Variants in CADPS observed in about 807,000 individuals in gnomAD.
CADPS encodes the protein calcium-dependent secretion activator 1.
Under a neutral mutation model 167.3 loss-of-function variants are expected in CADPS, and 57 were observed. That is an observed-to-expected ratio of 0.34 (90% CI 0.28 to 0.42). CADPS has a LOEUF of 0.42. Ranked by LOEUF, CADPS falls within the 20% of genes least tolerant of loss-of-function variation. The pLI is 1.00. For synonymous variants in CADPS, 676 were observed against 635.3 expected (o/e 1.06, Z -0.96); for missense variants, 1,414 against 1,738.1 (o/e 0.81, Z 3.32).
At chr3:62,594,816 G>A (rs2058693937) in intron 6 of CADPS, among the ~76,000 whole-genome samples, 1 of 152,200 alleles carries the variant, frequency 6.6e-6, no homozygotes, top group African/African-American at 2.4e-5. Context: ...CAAGGCTTGA[G>A]ATGCCTATTC....
chr3:62,421,354 G>A lies in CADPS; in HGVS notation c.3777+16750C>T, dbSNP rs1226761172. ...TCAGTACTTGAGGCGCACAGCGAGC[G>A]CCTGAATGGGGCAAACCTCCTAAGT... On this transcript the variant is annotated intron_variant, in intron 28 of 29. Transcript: ENST00000383710. This position sits in a 1 kb window ranked among gnomAD's most constrained non-coding sequence, Gnocchi z 4.7. Among the ~76,000 whole-genome samples the A allele has an allele frequency of 6.6e-6, 1 of 152,064 alleles. No individual in the cohort carries two copies. The highest frequency in any genetic ancestry group is 2.4e-5 in the African/African-American group (1 of 41,402).
At chr3:62,807,732 G>T (rs1288028244) in intron 1 of CADPS, among the ~76,000 whole-genome samples, 2 of 151,664 alleles carry the variant, frequency 1.3e-5, no homozygotes, top group Non-Finnish European at 2.9e-5. Context: ...AATATATATT[G>T]CCACAGTGAT....
chr3:62,769,566 C>G (rs1449386041), intron 1 of CADPS, among the ~76,000 whole-genome samples: 1 of 152,116 alleles, frequency 6.6e-6, no homozygotes, highest in South Asian at 2.1e-4. Flanking sequence ...ACATACTATT[C>G]CCTTGAGAAT....
chr3:62,711,204 C>A (rs564219821), intron 3 of CADPS, among the ~76,000 whole-genome samples: 4 of 152,144 alleles, frequency 2.6e-5, no homozygotes, highest in African/African-American at 7.2e-5. Context: ...TTTTAAACAT[C>A]ATTTTTAATA....
At chr3:62,864,911 G>A (rs2081409960) in intron 1 of CADPS, among the ~76,000 whole-genome samples, 1 of 152,062 alleles carries the variant, frequency 6.6e-6, no homozygotes, top group African/African-American at 2.4e-5. Flanking sequence ...TAGAGATCAG[G>A]AAGGCCATCT....
intron 3 of CADPS, among the ~76,000 whole-genome samples, chr3:62,684,722 A>T (rs1174240707): frequency 6.6e-6 from 1 of 151,930 alleles, no homozygotes; most frequent in Non-Finnish European, 1.5e-5. Flanking sequence ...ACCCATCCTC[A>T]GTTCTAGGTG....
At chr3:62,742,066 C>T (rs891150896) in intron 3 of CADPS, among the ~76,000 whole-genome samples, 1 of 152,210 alleles carries the variant, frequency 6.6e-6, no homozygotes, top group Middle Eastern at 3.4e-3. Flanking sequence ...ATATAGCTAA[C>T]TAGGGGGTGA....
At chr3:62,493,858 T>C (rs183188468) in intron 18 of CADPS, among the ~76,000 whole-genome samples, 193 bp from the exon 19 acceptor site, 70 of 152,320 alleles carry the variant, frequency 4.6e-4, no homozygotes, top group African/African-American at 1.6e-3. Flanking sequence ...AAAAGAGGTA[T>C]CCTTTTACTG....
intron 13 of CADPS, among the ~76,000 whole-genome samples, chr3:62,521,818 G>A (rs184327538): frequency 1.6e-4 from 25 of 152,240 alleles, no homozygotes. Flanking sequence ...AGGGTAAATC[G>A]AGGTGCCTAT....
At chr3:62,613,387 T>A (rs903555329) in intron 6 of CADPS, among the ~76,000 whole-genome samples, 6 of 152,298 alleles carry the variant, frequency 3.9e-5, no homozygotes, top group African/African-American at 9.6e-5. Flanking sequence ...GCAATACAGG[T>A]GTTTATGAGG....
intron 3 of CADPS, among the ~76,000 whole-genome samples, chr3:62,731,835 A>AAAAAAAAAAAAAAAAAAAGAAG (rs568495417): frequency 1.8e-5 from 2 of 110,274 alleles, no homozygotes; most frequent in Admixed American, 1.0e-4. Context: ...AAAAAAGTAA[A>AAAAAAAAAAAAAAAAAAAGAAG]GAAGGAAGAA....
At chr3:62,560,219 G>A (rs1353304228) in intron 9 of CADPS, among the ~76,000 whole-genome samples, 3 of 152,126 alleles carry the variant, frequency 2.0e-5, no homozygotes, top group East Asian at 3.9e-4. Context: ...TGGAAATTTT[G>A]GGGGGAATCT....
chr3:62,691,365 T>C (rs1247239587), intron 3 of CADPS, among the ~76,000 whole-genome samples: 2 of 151,974 alleles, frequency 1.3e-5, no homozygotes, highest in Non-Finnish European at 2.9e-5. Context: ...TCATCAACTG[T>C]TACAAATGCA....
At chr3:62,792,478 A>G (rs1339798519) in intron 1 of CADPS, among the ~76,000 whole-genome samples, 1 of 152,082 alleles carries the variant, frequency 6.6e-6, no homozygotes, top group Non-Finnish European at 1.5e-5. Flanking sequence ...TGTTGGGATT[A>G]CAGATATGAG....
At chr3:62,778,251 A>G (rs2090791771) in intron 1 of CADPS, among the ~76,000 whole-genome samples, 1 of 152,214 alleles carries the variant, frequency 6.6e-6, no homozygotes, top group Admixed American at 6.6e-5. Context: ...ATCACTTTGG[A>G]GATAGCTCCT....
At chr3:62,698,004 C>T (rs1156289920) in intron 3 of CADPS, among the ~76,000 whole-genome samples, 1 of 151,770 alleles carries the variant, frequency 6.6e-6, no homozygotes, top group Admixed American at 6.6e-5. Flanking sequence ...AGTCCTTTGT[C>T]AGATGTATAG....
At chr3:62,714,727 G>A (rs1355446203) in intron 3 of CADPS, among the ~76,000 whole-genome samples, 2 of 152,066 alleles carry the variant, frequency 1.3e-5, no homozygotes, top group Admixed American at 1.3e-4. Context: ...AGATGCCTAG[G>A]AGCAAAATAT....
intron 12 of CADPS, among the ~76,000 whole-genome samples, chr3:62,534,742 A>T (rs2074347273): frequency 6.6e-6 from 1 of 152,132 alleles, no homozygotes; most frequent in African/African-American, 2.4e-5. Context: ...TAATGAGAAA[A>T]TGGAATATAC....
At chr3:62,860,551 T>C (rs1241594712) in intron 1 of CADPS, among the ~76,000 whole-genome samples, 5 of 152,124 alleles carry the variant, frequency 3.3e-5, no homozygotes, top group African/African-American at 1.2e-4. Context: ...CCTGCTAATA[T>C]TATATTTTCA....
Sources: gnomAD v4.1 joint callset for allele counts (sites outside exome capture counted in the v4.1 genomes callset) on GRCh38, gnomAD v4.1.1 for gene constraint, Gnocchi (gnomAD v3.1) non-coding constraint, MANE v1.5 for transcripts, NCBI Gene and HGNC (gene_info 2026-07-23, HGNC 2026-07-21) for gene names.